HUNK: variants seen among roughly 807,000 people sequenced by gnomAD.
HUNK encodes hormonally up-regulated Neu-associated kinase.
A neutral mutation model predicts 61.0 loss-of-function variants in HUNK; 21 were observed. The ratio of observed to expected loss-of-function variants is 0.34; its 90% CI spans 0.24 to 0.50. The LOEUF (loss-of-function observed/expected upper bound fraction) is 0.50, where lower values mean the gene tolerates loss of function less well. Ranked by LOEUF, HUNK falls within the 20% of genes least tolerant of loss-of-function variation. The pLI is 0.98. For synonymous variants in HUNK, 371 were observed against 386.1 expected (o/e 0.96, Z 0.46); for missense variants, 772 against 945.7 (o/e 0.82, Z 2.41).
intron 8 of HUNK, among the ~76,000 whole-genome samples, chr21:31,988,811 C>T (rs952574353): frequency 3.3e-5 from 5 of 149,692 alleles, no homozygotes; most frequent in African/African-American, 9.9e-5. Context: ...CTCCTCTCCC[C>T]TCGCTTCCTC....
At chr21:31,953,400 C>T (rs2052865975) in intron 4 of HUNK, among the ~76,000 whole-genome samples, 1 of 152,074 alleles carries the variant, frequency 6.6e-6, no homozygotes, top group Admixed American at 6.6e-5. Flanking sequence ...AAGCCCAGCT[C>T]ATTATGTATT....
At chr21:31,876,497 A>C (rs1396360406) in intron 1 of HUNK, among the ~76,000 whole-genome samples, 1 of 152,352 alleles carries the variant, frequency 6.6e-6, no homozygotes. Flanking sequence ...ACTCTGAGAA[A>C]GATTGCTAAA....
chr21:31,901,600 T>G (rs1381095543), intron 1 of HUNK, among the ~76,000 whole-genome samples: 1 of 152,134 alleles, frequency 6.6e-6, no homozygotes, highest in Non-Finnish European at 1.5e-5. Flanking sequence ...CACATCTGTA[T>G]TTAGCTAATG....
intron 1 of HUNK, among the ~76,000 whole-genome samples, chr21:31,881,705 C>T (rs60945091): frequency 0.087 from 13,201 of 152,190 alleles, 655 homozygotes; most frequent in Middle Eastern, 0.16. Flanking sequence ...CCGTAGCAAA[C>T]ATTAGCATTT....
chr21:31,911,201 A>G (rs1371613612), intron 1 of HUNK, among the ~76,000 whole-genome samples: 1 of 152,174 alleles, frequency 6.6e-6, no homozygotes, highest in African/African-American at 2.4e-5. Context: ...GGATGTGGTA[A>G]GCATGTCAGT....
intron 5 of HUNK, 103 bp from the exon 6 acceptor site, chr21:31,968,147 C>T (rs569665712): frequency 5.4e-5 from 74 of 1,375,530 alleles, no homozygotes; most frequent in Admixed American, 4.7e-4. Context: ...AGCAGTGACT[C>T]GGGATGGGCA....
intron 7 of HUNK, among the ~76,000 whole-genome samples, chr21:31,975,573 G>A (rs936300257): frequency 2.6e-5 from 4 of 152,236 alleles, no homozygotes; most frequent in East Asian, 3.9e-4. Context: ...TCACTTTCAC[G>A]AGGGACCACC....
intron 4 of HUNK, among the ~76,000 whole-genome samples, chr21:31,956,471 G>A (rs2052890025): frequency 6.6e-6 from 1 of 152,122 alleles, no homozygotes; most frequent in Admixed American, 6.5e-5. Context: ...CGATCTCCAA[G>A]AATTTTTCGA....
chr21:31,873,531 C>A lies in HUNK; in HGVS notation c.-144C>A. The A allele has an allele frequency of 3.5e-6, 2 of 578,666 alleles. No homozygotes were observed. Among genetic ancestry groups the A allele is most frequent in the Non-Finnish European group, 4.4e-6 (2 of 458,006 alleles). The allele number at this position is 578,666 out of a possible 1,614,324, so 35.8% of individuals were successfully genotyped here. A position where few individuals can be genotyped will look rare whatever the true frequency, so the allele number is the denominator to read the frequency against. On this transcript the variant is annotated 5_prime_UTR_variant, in exon 1 of 11. Transcript: ENST00000270112. The surrounding 1 kb of genome is among the most constrained non-coding windows in gnomAD (Gnocchi z 6.1). ...GGCGGCGCGGGGGGCGTGATCGCGG[C>A]GGCCCCGGGCTCTGGGTGCGGAGAC...
chr21:31,897,292 T>G (rs547191529), intron 1 of HUNK, among the ~76,000 whole-genome samples: 1 of 152,242 alleles, frequency 6.6e-6, no homozygotes, highest in East Asian at 1.9e-4. Flanking sequence ...AAAAACTGTG[T>G]GGCTTCAACA....
intron 2 of HUNK, among the ~76,000 whole-genome samples, chr21:31,932,682 A>G (rs1354646020): frequency 1.3e-5 from 2 of 151,992 alleles, no homozygotes; most frequent in Non-Finnish European, 2.9e-5. Context: ...CCCTTTGAGC[A>G]TTTCTTCCTG....
At chr21:31,932,873 C>T (rs2123822624) in intron 2 of HUNK, among the ~76,000 whole-genome samples, 1 of 151,458 alleles carries the variant, frequency 6.6e-6, no homozygotes, top group Admixed American at 6.6e-5. Flanking sequence ...ACCCCCAGCA[C>T]TGTCCTCACC....
At chr21:31,918,527 A>G (rs2123812237) in intron 1 of HUNK, among the ~76,000 whole-genome samples, 1 of 152,280 alleles carries the variant, frequency 6.6e-6, no homozygotes, top group East Asian at 1.9e-4. Context: ...CTCATTGGAG[A>G]TCAAGGTGTC....
chr21:31,949,530 G>T (rs942954186), intron 4 of HUNK, among the ~76,000 whole-genome samples: 1 of 152,194 alleles, frequency 6.6e-6, no homozygotes, highest in African/African-American at 2.4e-5. Flanking sequence ...AACAGTTAGA[G>T]AAGTCATTTA....
chr21:31,895,913 C>A (rs2052421696), intron 1 of HUNK, among the ~76,000 whole-genome samples: 1 of 152,198 alleles, frequency 6.6e-6, no homozygotes, highest in Non-Finnish European at 1.5e-5. Context: ...CCCCCAGTAT[C>A]TCAGAAGGTG....
intron 1 of HUNK, among the ~76,000 whole-genome samples, chr21:31,898,073 CTG>C (rs1222072579): frequency 6.6e-6 from 1 of 152,152 alleles, no homozygotes; most frequent in African/African-American, 2.4e-5. Context: ...ACCTTAGACT[CTG>C]GAAACAGACT....
At chr21:31,909,862 A>G (rs867971885) in intron 1 of HUNK, among the ~76,000 whole-genome samples, 11 of 152,286 alleles carry the variant, frequency 7.2e-5, no homozygotes, top group Middle Eastern at 6.8e-3. Context: ...CGTGAAACCA[A>G]TTTATTTTCA....
chr21:31,992,442 CAAG>C (rs1470765403), intron 9 of HUNK, among the ~76,000 whole-genome samples: 11 of 152,226 alleles, frequency 7.2e-5, no homozygotes, highest in African/African-American at 2.7e-4. Context: ...TGATAGAGAA[CAAG>C]AAGGTGTTTA....
chr21:31,947,008 C>T (rs1284766044), intron 4 of HUNK, among the ~76,000 whole-genome samples: 1 of 152,204 alleles, frequency 6.6e-6, no homozygotes. Flanking sequence ...CCTGCACATT[C>T]CCACATCCCA....
Sources: allele counts gnomAD v4.1 joint callset (sites outside exome capture counted in the v4.1 genomes callset), GRCh38; gene constraint gnomAD v4.1.1; non-coding constraint Gnocchi (gnomAD v3.1); transcripts MANE v1.5; gene names NCBI Gene and HGNC (gene_info 2026-07-23, HGNC 2026-07-21).